Variants in SH3RF3 observed in about 807,000 individuals in gnomAD.
The protein encoded by SH3RF3 is E3 ubiquitin-protein ligase SH3RF3.
SH3RF3 carries 29 observed loss-of-function variants against 66.3 expected under a neutral mutation model. That is an observed-to-expected ratio of 0.44 (90% CI 0.33 to 0.60). The LOEUF is 0.60. SH3RF3 is among the 20% of genes least tolerant of loss of function. The pLI, the probability that SH3RF3 is intolerant of heterozygous loss-of-function variation, is 0.04. For synonymous variants in SH3RF3, 583 were observed against 532.0 expected (o/e 1.10, Z -1.32); for missense variants, 1,194 against 1,190.9 (o/e 1.00, Z -0.04).
chr2:109,187,401 G>A (rs1678220772), intron 1 of SH3RF3, among the ~76,000 whole-genome samples: 1 of 151,456 alleles, frequency 6.6e-6, no homozygotes, highest in Non-Finnish European at 1.5e-5. Flanking sequence ...AAGCTAAGAT[G>A]GTGCTTAAGG....
Position 109,195,842 on chromosome 2 carries a change from C to T in SH3RF3, c.573+65729C>T, listed in dbSNP as rs964681744. On this transcript the variant is annotated intron_variant, in intron 1 of 9. Coordinates refer to ENST00000309415, the MANE Select transcript of SH3RF3 (RefSeq NM_001099289.3). ...CCTGCTGATTTGTGTCGCCTGATCCCGGCATGGAGTCTGGCTATGCGTTTG... is the reference window on the plus strand; with the variant it reads ...CCTGCTGATTTGTGTCGCCTGATCCTGGCATGGAGTCTGGCTATGCGTTTG... Among the ~76,000 whole-genome samples the T allele has an allele frequency of 2.0e-5, 3 of 152,292 alleles. No homozygotes were observed. The East Asian group carries it at 5.8e-4, about 29-fold the overall frequency.
chr2:109,131,283 C>G (rs561942854), intron 1 of SH3RF3, among the ~76,000 whole-genome samples: 1 of 151,982 alleles, frequency 6.6e-6, no homozygotes, highest in African/African-American at 2.4e-5. Flanking sequence ...AGAATGGGGA[C>G]AGTCAAGGAT....
At chr2:109,427,580 C>T (rs1192219430) in intron 5 of SH3RF3, among the ~76,000 whole-genome samples, 2 of 152,304 alleles carry the variant, frequency 1.3e-5, no homozygotes, top group African/African-American at 4.8e-5. Flanking sequence ...GGCCCAGGTT[C>T]ACACTTCGGG....
At chr2:109,439,794 G>A (rs1421160661) in intron 7 of SH3RF3, among the ~76,000 whole-genome samples, 1 of 151,930 alleles carries the variant, frequency 6.6e-6, no homozygotes, top group East Asian at 1.9e-4. Flanking sequence ...GGAAACAGAG[G>A]AAAACCAGAC....
At chr2:109,297,575 A>G (rs1681346550) in intron 1 of SH3RF3, among the ~76,000 whole-genome samples, 1 of 135,650 alleles carries the variant, frequency 7.4e-6, no homozygotes, top group South Asian at 2.7e-4. Flanking sequence ...CACCTAGGCC[A>G]GTGTCCCCAA....
intron 1 of SH3RF3, among the ~76,000 whole-genome samples, chr2:109,266,755 T>C (rs565027110): frequency 2.0e-5 from 3 of 152,178 alleles, no homozygotes; most frequent in Non-Finnish European, 2.9e-5. Flanking sequence ...ATTAACAGCC[T>C]AACAAGAGAC....
At chr2:109,490,365 C>G (rs919966245) in intron 8 of SH3RF3, among the ~76,000 whole-genome samples, 1 of 152,202 alleles carries the variant, frequency 6.6e-6, no homozygotes, top group African/African-American at 2.4e-5. Context: ...CCTGGTGTGC[C>G]TGCAAGCGTC....
intron 8 of SH3RF3, among the ~76,000 whole-genome samples, chr2:109,482,291 A>G (rs1300151102): frequency 6.6e-6 from 1 of 152,194 alleles, no homozygotes; most frequent in Non-Finnish European, 1.5e-5. Flanking sequence ...AGTAATAATT[A>G]TCATTATATT....
intron 1 of SH3RF3, among the ~76,000 whole-genome samples, chr2:109,174,558 A>G (rs960175410): frequency 4.7e-4 from 71 of 152,098 alleles, no homozygotes; most frequent in African/African-American, 1.7e-3. Context: ...ACAACAACCC[A>G]TGGTGTCTGG....
intron 1 of SH3RF3, among the ~76,000 whole-genome samples, chr2:109,131,250 G>T (rs797003568): frequency 9.3e-5 from 14 of 151,232 alleles, no homozygotes; most frequent in African/African-American, 3.4e-4. Context: ...GCTGCAATGG[G>T]TTTTTTTTTC....
At chr2:109,405,349 C>T (rs1177686078) in intron 4 of SH3RF3, among the ~76,000 whole-genome samples, 1 of 152,156 alleles carries the variant, frequency 6.6e-6, no homozygotes, top group African/African-American at 2.4e-5. Flanking sequence ...TAATACCCTT[C>T]GTCTTCCCCA....
intron 1 of SH3RF3, among the ~76,000 whole-genome samples, chr2:109,147,745 A>G (rs879648874): frequency 6.6e-5 from 10 of 152,180 alleles, no homozygotes; most frequent in Non-Finnish European, 1.0e-4. Flanking sequence ...TCTCTTCTAA[A>G]TATTTACGAA....
At chr2:109,293,999 C>T (rs898038088) in intron 1 of SH3RF3, among the ~76,000 whole-genome samples, 16 of 152,172 alleles carry the variant, frequency 1.1e-4, no homozygotes, top group Admixed American at 1.0e-3. Flanking sequence ...CAGTGCTTGG[C>T]CGAGCAGCTG....
intron 2 of SH3RF3, among the ~76,000 whole-genome samples, chr2:109,353,327 A>G (rs1349688579): frequency 1.3e-5 from 2 of 152,202 alleles, no homozygotes; most frequent in Non-Finnish European, 2.9e-5. Context: ...ACACATTTAT[A>G]GCTCGACCCT....
At chr2:109,467,819 G>C (rs1028466358) in intron 8 of SH3RF3, among the ~76,000 whole-genome samples, 10 of 152,182 alleles carry the variant, frequency 6.6e-5, no homozygotes, top group African/African-American at 2.4e-4. Context: ...AGGACAGGCT[G>C]CACACGCAGA....
intron 7 of SH3RF3, among the ~76,000 whole-genome samples, chr2:109,438,658 C>A (rs1457653965): frequency 6.6e-6 from 1 of 152,192 alleles, no homozygotes; most frequent in Non-Finnish European, 1.5e-5. Context: ...CCAAGCCCAC[C>A]CTGCAACCCA....
chr2:109,135,433 T>C (rs1327227044), intron 1 of SH3RF3, among the ~76,000 whole-genome samples: 2 of 152,202 alleles, frequency 1.3e-5, no homozygotes, highest in Non-Finnish European at 2.9e-5. Flanking sequence ...AGACTTGTTA[T>C]CAGTGAATTA....
chr2:109,375,236 G>A (rs1221900642), intron 3 of SH3RF3, among the ~76,000 whole-genome samples: 1 of 152,170 alleles, frequency 6.6e-6, no homozygotes, highest in Non-Finnish European at 1.5e-5. Context: ...TTCTTCCCAT[G>A]GCTCCAGCCA....
At chr2:109,353,236 C>G (rs866447236) in intron 2 of SH3RF3, among the ~76,000 whole-genome samples, 1 of 152,242 alleles carries the variant, frequency 6.6e-6, no homozygotes, top group Admixed American at 6.5e-5. Flanking sequence ...GCTGCACTGG[C>G]CTCCTGGTGG....
Sources: allele counts gnomAD v4.1 joint callset (sites outside exome capture counted in the v4.1 genomes callset), GRCh38; gene constraint gnomAD v4.1.1; transcripts MANE v1.5; gene names NCBI Gene and HGNC (gene_info 2026-07-23, HGNC 2026-07-21).